ZFYVE9: variants seen among roughly 807,000 people sequenced by gnomAD.
The protein encoded by ZFYVE9 is zinc finger FYVE-type containing 9.
ZFYVE9 carries 43 observed loss-of-function variants against 126.7 expected under a neutral mutation model. The ratio of observed to expected loss-of-function variants is 0.34; its 90% CI spans 0.27 to 0.44. The LOEUF (loss-of-function observed/expected upper bound fraction) is 0.44. ZFYVE9 is among the 20% of genes least tolerant of loss of function. The pLI is 1.00. For synonymous variants in ZFYVE9, 521 were observed against 597.4 expected (o/e 0.87, Z 1.87); for missense variants, 1,476 against 1,697.0 (o/e 0.87, Z 2.29).
intron 4 of ZFYVE9, among the ~76,000 whole-genome samples, chr1:52,247,595 C>G (rs924803282): frequency 6.6e-6 from 1 of 152,094 alleles, no homozygotes; most frequent in African/African-American, 2.4e-5. Flanking sequence ...CTCCTGGGTT[C>G]AAGTGATTCT....
At chr1:52,176,028 A>G (rs903174606) in intron 1 of ZFYVE9, among the ~76,000 whole-genome samples, 3 of 152,064 alleles carry the variant, frequency 2.0e-5, no homozygotes, top group African/African-American at 7.2e-5. Flanking sequence ...GGTTTGTTCC[A>G]TTGCTGGTGA....
At chr1:52,259,259 C>A (rs1201525461) in intron 4 of ZFYVE9, among the ~76,000 whole-genome samples, 1 of 152,004 alleles carries the variant, frequency 6.6e-6, no homozygotes, top group East Asian at 1.9e-4. Flanking sequence ...TAGGAGACTA[C>A]CCTAATCACT....
At chr1:52,310,962 A>G (rs1646131344) in intron 13 of ZFYVE9, among the ~76,000 whole-genome samples, 1 of 152,066 alleles carries the variant, frequency 6.6e-6, no homozygotes, top group South Asian at 2.1e-4. Context: ...GCCTCCTGGG[A>G]TCAAGGGATT....
At chr1:52,332,466 A>G (rs1646351281) in intron 13 of ZFYVE9, among the ~76,000 whole-genome samples, 1 of 144,630 alleles carries the variant, frequency 6.9e-6, no homozygotes, top group African/African-American at 2.6e-5. Context: ...AGAAACTACA[A>G]TTAGCTAAAC....
chr1:52,186,476 C>G (rs7519110), intron 1 of ZFYVE9, among the ~76,000 whole-genome samples: 25,452 of 151,944 alleles, frequency 0.17, 2,558 homozygotes, highest in Non-Finnish European at 0.22. Context: ...CCAGGGAGAT[C>G]AGGGAAGAGA....
chr1:52,290,650 C>G (rs1023433232), intron 10 of ZFYVE9, among the ~76,000 whole-genome samples: 7 of 152,104 alleles, frequency 4.6e-5, no homozygotes, highest in African/African-American at 1.7e-4. Flanking sequence ...GGGATCTTAT[C>G]TCCCTAAAGT....
At chr1:52,154,718 A>T (rs1405928327) in intron 1 of ZFYVE9, among the ~76,000 whole-genome samples, 1 of 152,150 alleles carries the variant, frequency 6.6e-6, no homozygotes, top group Non-Finnish European at 1.5e-5. Context: ...TTCTCACCCC[A>T]GGCCACTTTT....
At chr1:52,272,860 C>T (rs573837298) in intron 7 of ZFYVE9, among the ~76,000 whole-genome samples, 67 of 151,942 alleles carry the variant, frequency 4.4e-4, no homozygotes, top group African/African-American at 1.4e-3. Flanking sequence ...TGGGATTTCA[C>T]CATATTGGCC....
chr1:52,307,181 T>G (rs546329653), intron 13 of ZFYVE9, among the ~76,000 whole-genome samples: 1 of 152,358 alleles, frequency 6.6e-6, no homozygotes, highest in East Asian at 1.9e-4. Context: ...TTAGAAATTT[T>G]GTTTGTACAA....
intron 10 of ZFYVE9, among the ~76,000 whole-genome samples, chr1:52,283,392 A>G (rs1203289545): frequency 2.0e-5 from 3 of 152,246 alleles, no homozygotes; most frequent in Non-Finnish European, 4.4e-5. Context: ...TGACATAATC[A>G]GATTTGCATT....
intron 1 of ZFYVE9, among the ~76,000 whole-genome samples, chr1:52,184,402 T>C (rs1268717273): frequency 6.8e-6 from 1 of 145,996 alleles, no homozygotes; most frequent in Non-Finnish European, 1.5e-5. Context: ...AATTTTTTTT[T>C]TTTTTTTTTT....
intron 2 of ZFYVE9, among the ~76,000 whole-genome samples, chr1:52,226,008 G>A (rs1645167557): frequency 6.6e-6 from 1 of 152,120 alleles, no homozygotes; most frequent in Non-Finnish European, 1.5e-5. Flanking sequence ...TGGTGGATGC[G>A]CCGGATTTTA....
At chr1:52,314,194 C>A (rs1301743178) in intron 13 of ZFYVE9, among the ~76,000 whole-genome samples, 1 of 152,116 alleles carries the variant, frequency 6.6e-6, no homozygotes, top group Non-Finnish European at 1.5e-5. Context: ...TATAAAAATT[C>A]ACATAAAGAG....
chr1:52,237,380 T>G (rs1040822708), intron 3 of ZFYVE9, 108 bp from the exon 4 acceptor site: 4 of 1,017,696 alleles, frequency 3.9e-6, no homozygotes, highest in Non-Finnish European at 5.6e-6. Flanking sequence ...AAATCTAATA[T>G]CCTTGGAATA....
At chr1:52,235,703 G>A (rs1645267327) in intron 3 of ZFYVE9, among the ~76,000 whole-genome samples, 1 of 151,840 alleles carries the variant, frequency 6.6e-6, no homozygotes, top group African/African-American at 2.4e-5. Flanking sequence ...TTATATTTGG[G>A]GATATGCTTT....
chr1:52,187,577 C>A (rs1644776276), intron 1 of ZFYVE9, among the ~76,000 whole-genome samples: 1 of 152,174 alleles, frequency 6.6e-6, no homozygotes, highest in South Asian at 2.1e-4. Context: ...GGTCTGATAT[C>A]TAGCATCTAA....
chr1:52,301,291 CTTTTTTTT>C (rs527599525), intron 12 of ZFYVE9, among the ~76,000 whole-genome samples: 9 of 72,638 alleles, frequency 1.2e-4, no homozygotes, highest in South Asian at 4.9e-4. Context: ...CTTTTTCCAT[CTTTTTTTT>C]TTTTTTTTTT....
At chr1:52,186,043 C>T (rs1644762235) in intron 1 of ZFYVE9, among the ~76,000 whole-genome samples, 1 of 151,684 alleles carries the variant, frequency 6.6e-6, no homozygotes, top group South Asian at 2.1e-4. Context: ...GAGTTCAAGA[C>T]CAGCCTGGCC....
Position 52,214,027 on chromosome 1 carries a change from G to T in ZFYVE9, c.-142-2342G>T, listed in dbSNP as rs142344814. 7.1e-4 allele frequency among the ~76,000 whole-genome samples: 108 copies of T among 152,284 alleles called. 2 individuals carry two copies. The East Asian group carries it at 8.5e-3, about 12-fold the overall frequency. ...CCCTTCATCCTGCAGGGGTCTAGAA[G>T]TTTATTTTCTGGAAGAATTGAATAG... is the stretch of plus-strand genomic sequence containing the variant. On this transcript the variant is annotated intron_variant, in intron 1 of 18. Transcript: ENST00000287727.
Sources: allele counts gnomAD v4.1 joint callset (sites outside exome capture counted in the v4.1 genomes callset), GRCh38; gene constraint gnomAD v4.1.1; transcripts MANE v1.5; gene names NCBI Gene and HGNC (gene_info 2026-07-23, HGNC 2026-07-21).